The following PRKG1 variants were observed in gnomAD, a reference collection of about 807,000 sequenced individuals.
PRKG1 encodes cGMP-dependent protein kinase 1.
Under a neutral mutation model 88.1 loss-of-function variants are expected in PRKG1, and 35 were observed. The ratio of observed to expected loss-of-function variants is 0.40; its 90% CI spans 0.30 to 0.53. The LOEUF is 0.53. Among genes scored for constraint, PRKG1 ranks in the 20% least tolerant of loss-of-function variants. The pLI is 0.59. For synonymous variants in PRKG1, 303 were observed against 292.5 expected (o/e 1.04, Z -0.37); for missense variants, 540 against 839.8 (o/e 0.64, Z 4.41).
chr10:52,280,263 T>G (rs3898630), intron 12 of PRKG1, among the ~76,000 whole-genome samples: 7,214 of 152,268 alleles, frequency 0.047, 255 homozygotes, highest in South Asian at 0.19. Flanking sequence ...AGTAGCATTA[T>G]AACTTATTTC....
At chr10:51,662,262 G>T (rs1840318368) in intron 3 of PRKG1, among the ~76,000 whole-genome samples, 1 of 152,000 alleles carries the variant, frequency 6.6e-6, no homozygotes, top group Non-Finnish European at 1.5e-5. Context: ...AATACTAGTT[G>T]ATCTAATCAG....
At position 52,207,221 on chromosome 10, in the gene PRKG1, T is replaced by G. The variant is rs531050572; in HGVS notation, c.1077-44349T>G. ...AAACAGTGGGAAGGCTGTAGGTGAGTGCCTGCTAGCAGAGCAGGAGCGGGA... is the reference window on the plus strand; with the variant it reads ...AAACAGTGGGAAGGCTGTAGGTGAGGGCCTGCTAGCAGAGCAGGAGCGGGA... On this transcript the variant is annotated intron_variant, in intron 9 of 17. Coordinates refer to ENST00000373980, the MANE Select transcript of PRKG1 (RefSeq NM_006258.4). Among the ~76,000 whole-genome samples, 649 of 151,918 alleles carry G rather than the reference T, an allele frequency of 4.3e-3. 5 individuals are homozygous for G. Among genetic ancestry groups the G allele is most frequent in the African/African-American group, 0.015 (613 of 41,414 alleles).
At chr10:51,429,766 C>T (rs1436698524) in intron 2 of PRKG1, among the ~76,000 whole-genome samples, 1 of 150,774 alleles carries the variant, frequency 6.6e-6, no homozygotes, top group Non-Finnish European at 1.5e-5. Flanking sequence ...AAGTATCTAT[C>T]CTGAAAAACA....
chr10:51,387,280 T>C (rs545811582), intron 2 of PRKG1, among the ~76,000 whole-genome samples: 1 of 150,814 alleles, frequency 6.6e-6, no homozygotes, highest in Non-Finnish European at 1.5e-5. Context: ...TCTGCAGTGG[T>C]CCTCTTGAAA....
intron 3 of PRKG1, among the ~76,000 whole-genome samples, chr10:51,470,040 A>G (rs1173158159): frequency 6.6e-6 from 1 of 151,770 alleles, no homozygotes. Context: ...TGTAGGCCTC[A>G]AGCACCATTT....
chr10:51,930,067 G>A (rs1054442093), intron 5 of PRKG1, among the ~76,000 whole-genome samples: 4 of 152,026 alleles, frequency 2.6e-5, no homozygotes, highest in East Asian at 3.9e-4. Flanking sequence ...CCATGTGGTG[G>A]TATGTCAGAA....
chr10:51,671,443 A>T (rs74666784), intron 3 of PRKG1, among the ~76,000 whole-genome samples: 1 of 151,892 alleles, frequency 6.6e-6, no homozygotes, highest in African/African-American at 2.4e-5. Context: ...CTATTCCATG[A>T]CTCTGTCCTA....
intron 1 of PRKG1, among the ~76,000 whole-genome samples, chr10:50,992,203 G>C (rs1327699182): frequency 1.3e-5 from 2 of 152,024 alleles, no homozygotes; most frequent in African/African-American, 2.4e-5. Flanking sequence ...CGGGGACAGG[G>C]AGAGGCGGGA....
chr10:51,454,383 G>A lies in PRKG1; in HGVS notation c.479-13340G>A, dbSNP rs531159820. ...CAGTTACCAAAATAGCATGGTACTGGTAAAAAAAAATAGGCCATAGACCAA... is the reference window on the plus strand; with the variant it reads ...CAGTTACCAAAATAGCATGGTACTGATAAAAAAAAATAGGCCATAGACCAA... On this transcript the variant is annotated intron_variant, in intron 2 of 17. Coordinates refer to ENST00000373980, the MANE Select transcript of PRKG1 (RefSeq NM_006258.4). Among the ~76,000 whole-genome samples the A allele has an allele frequency of 8.6e-5, 13 of 151,988 alleles. No individual in the cohort carries two copies. The South Asian group carries it at 2.1e-3, about 24-fold the overall frequency.
intron 9 of PRKG1, among the ~76,000 whole-genome samples, chr10:52,176,504 A>G (rs905045012): frequency 5.9e-5 from 9 of 151,946 alleles, no homozygotes; most frequent in African/African-American, 1.7e-4. Context: ...GCTACTCAAG[A>G]TTTTTTATGG....
At chr10:51,118,093 C>T (rs1183270034) in intron 1 of PRKG1, among the ~76,000 whole-genome samples, 3 of 152,114 alleles carry the variant, frequency 2.0e-5, no homozygotes, top group Admixed American at 6.6e-5. Context: ...GGAGATCCTT[C>T]CTAACCCTGA....
chr10:51,970,831 G>GATATAT lies in PRKG1; in HGVS notation c.762+63274_762+63279dup, dbSNP rs59493582. ...AGATGATGTGTATATATATATATGT[G>GATATAT]ATATATATATATATATATCTCCATC... On this transcript the variant is annotated intron_variant, in intron 5 of 17. Transcript: ENST00000373980. 2.0e-3 allele frequency among the ~76,000 whole-genome samples: 278 copies of GATATAT among 136,612 alleles called. 3 individuals carry two copies. The highest frequency in any genetic ancestry group is 6.6e-3 in the African/African-American group (243 of 36,906). The allele number at this position is 136,612 out of a possible 152,430, so 89.6% of individuals were successfully genotyped here.
intron 4 of PRKG1, among the ~76,000 whole-genome samples, chr10:51,844,569 G>C (rs762042124): frequency 3.3e-5 from 5 of 151,998 alleles, no homozygotes; most frequent in Non-Finnish European, 5.9e-5. Flanking sequence ...GGACAAAATG[G>C]GTGTTTAAAC....
At chr10:52,156,347 C>T (rs1018251197) in intron 8 of PRKG1, among the ~76,000 whole-genome samples, 4 of 151,888 alleles carry the variant, frequency 2.6e-5, no homozygotes, top group African/African-American at 4.8e-5. Flanking sequence ...TTACTTCTCA[C>T]GTTCGTATTA....
chr10:51,155,192 C>T (rs985612605), intron 2 of PRKG1, among the ~76,000 whole-genome samples: 1 of 151,906 alleles, frequency 6.6e-6, no homozygotes, highest in East Asian at 1.9e-4. Context: ...ATATTTCTTA[C>T]AAAAGTAGAT....
chr10:51,371,036 A>G (rs1001061490), intron 2 of PRKG1, among the ~76,000 whole-genome samples: 5 of 151,076 alleles, frequency 3.3e-5, no homozygotes, highest in African/African-American at 1.2e-4. Context: ...TCCGCATGGT[A>G]TAGTTTTTCA....
Position 51,769,330 on chromosome 10 carries a change from A to G in PRKG1, c.593-35255A>G, listed in dbSNP as rs1251889110. Among the ~76,000 whole-genome samples the G allele has an allele frequency of 2.0e-5, 3 of 152,220 alleles. No homozygotes were observed. In the East Asian group the frequency reaches 5.8e-4, roughly 29 times the overall value. On this transcript the variant is annotated intron_variant, in intron 3 of 17. Coordinates refer to ENST00000373980, the MANE Select transcript of PRKG1 (RefSeq NM_006258.4). The stretch of plus-strand genomic sequence containing the variant: ...TTTTCAAGTTTCAGCTGTCTAGCCT[A>G]CTACAAATGCATGAAATGAAGTCAT...
intron 8 of PRKG1, among the ~76,000 whole-genome samples, chr10:52,143,647 G>T (rs189001756): frequency 1.3e-5 from 2 of 152,246 alleles, no homozygotes. Context: ...GGAAGCTGCT[G>T]GCTGCCATGT....
intron 4 of PRKG1, among the ~76,000 whole-genome samples, chr10:51,885,969 A>G (rs181553066): frequency 1.8e-4 from 28 of 152,358 alleles, no homozygotes; most frequent in African/African-American, 6.5e-4. Flanking sequence ...GCATGGTGCC[A>G]TAAAAGCTGT....
Sources: allele counts gnomAD v4.1 joint callset (sites outside exome capture counted in the v4.1 genomes callset), GRCh38; gene constraint gnomAD v4.1.1; transcripts MANE v1.5; gene names NCBI Gene and HGNC (gene_info 2026-07-23, HGNC 2026-07-21).